GALNT13: variants seen among roughly 807,000 people sequenced by gnomAD.
GALNT13 encodes the protein UDP-GalNAc:polypeptide N-acetylgalactosaminyltransferase 13.
In GALNT13, 28 loss-of-function variants were observed where a neutral mutation model predicts 64.2. The observed-to-expected ratio is 0.44, with a 90% confidence interval of 0.32 to 0.60. The LOEUF is 0.60. GALNT13 is among the 20% of genes least tolerant of loss of function. The pLI is 0.05. For missense variants in GALNT13, 577 were observed against 669.8 expected, an observed-to-expected ratio of 0.86 and a Z score of 1.53; for synonymous variants, 214 against 224.6, an observed-to-expected ratio of 0.95 and a Z score of 0.42.
the GALNT13 span, among the ~76,000 whole-genome samples, chr2:153,668,713 G>A: frequency 2.2e-4 from 34 of 152,122 alleles, no homozygotes; most frequent in Admixed American, 2.6e-4. Context: ...GGTAAGCAGC[G>A]ACCCACACGT....
intron 1 of GALNT13, among the ~76,000 whole-genome samples, chr2:153,889,065 C>T (rs1045320489): frequency 2.6e-5 from 4 of 151,936 alleles, no homozygotes; most frequent in Non-Finnish European, 5.9e-5. Flanking sequence ...ATGCAAACTA[C>T]CTGTGTGTGT....
intron 8 of GALNT13, chr2:154,287,257 C>G: frequency 1.2e-6 from 1 of 866,186 alleles, no homozygotes; most frequent in South Asian, 1.3e-5. Flanking sequence ...TTGCCGACGG[C>G]AACTCCAAGA....
chr2:153,802,959 A>G, the GALNT13 span, among the ~76,000 whole-genome samples: 32 of 152,360 alleles, frequency 2.1e-4, no homozygotes, highest in East Asian at 5.8e-3. Flanking sequence ...TTTTTAGAGG[A>G]AATCTTGATT....
At chr2:153,403,619 A>G in the GALNT13 span, among the ~76,000 whole-genome samples, 4 of 152,204 alleles carry the variant, frequency 2.6e-5, no homozygotes, top group African/African-American at 9.6e-5. Context: ...GGTGCAGGAT[A>G]TAATCTTGTG....
the GALNT13 span, among the ~76,000 whole-genome samples, chr2:153,408,657 TG>T: frequency 2.7e-5 from 4 of 150,150 alleles, no homozygotes; most frequent in Non-Finnish European, 6.0e-5. Context: ...TTTTTGTTTT[TG>T]TTTTTGTTTT....
At chr2:153,574,681 G>C in the GALNT13 span, among the ~76,000 whole-genome samples, 324 of 150,902 alleles carry the variant, frequency 2.1e-3, 2 homozygotes, top group African/African-American at 7.3e-3. Context: ...TTTCACTCCA[G>C]AATTTCTGCT....
the GALNT13 span, among the ~76,000 whole-genome samples, chr2:153,191,006 T>G: frequency 5.3e-5 from 8 of 152,104 alleles, no homozygotes; most frequent in Non-Finnish European, 1.0e-4. Flanking sequence ...TATAAGATTA[T>G]GTCATCCACA....
At chr2:153,548,186 C>A in the GALNT13 span, among the ~76,000 whole-genome samples, 1 of 152,122 alleles carries the variant, frequency 6.6e-6, no homozygotes, top group Non-Finnish European at 1.5e-5. Context: ...TGTTAAAATG[C>A]AAGTTCTTAT....
chr2:154,116,149 G>A (rs941141179), intron 3 of GALNT13, among the ~76,000 whole-genome samples: 7 of 152,266 alleles, frequency 4.6e-5, no homozygotes, highest in Admixed American at 3.3e-4. Context: ...AGCATGGGTC[G>A]GGGAGGGGAT....
intron 3 of GALNT13, among the ~76,000 whole-genome samples, chr2:154,051,466 A>AT (rs1303362071): frequency 5.4e-5 from 8 of 148,426 alleles, no homozygotes; most frequent in Non-Finnish European, 1.0e-4. Context: ...AATTTTTTGT[A>AT]TTTTTAGTAG....
intron 4 of GALNT13, among the ~76,000 whole-genome samples, chr2:154,209,136 A>C (rs1278795694): frequency 6.6e-6 from 1 of 152,160 alleles, no homozygotes; most frequent in Non-Finnish European, 1.5e-5. Flanking sequence ...GTGTTTGTTA[A>C]AGTTCAGGGA....
chr2:154,364,329 A>G (rs867088173), intron 9 of GALNT13, among the ~76,000 whole-genome samples: 2 of 152,320 alleles, frequency 1.3e-5, no homozygotes, highest in South Asian at 4.1e-4. Flanking sequence ...CTAACTGTAT[A>G]AAGCATTAAC....
At chr2:153,904,022 A>G (rs1345809049) in intron 2 of GALNT13, among the ~76,000 whole-genome samples, 1 of 152,028 alleles carries the variant, frequency 6.6e-6, no homozygotes, top group Admixed American at 6.6e-5. Flanking sequence ...GTATCCTTAT[A>G]TGCAAAATAT....
the GALNT13 span, among the ~76,000 whole-genome samples, chr2:153,239,784 CT>C: frequency 6.6e-6 from 1 of 150,802 alleles, no homozygotes. Flanking sequence ...CTACAGCTTT[CT>C]TTTTTTTTGA....
the GALNT13 span, among the ~76,000 whole-genome samples, chr2:153,345,006 A>G: frequency 6.6e-6 from 1 of 152,258 alleles, no homozygotes; most frequent in Non-Finnish European, 1.5e-5. Flanking sequence ...TAACAAAAGT[A>G]AAATCAATAC....
chr2:153,567,831 T>C, the GALNT13 span, among the ~76,000 whole-genome samples: 1 of 152,374 alleles, frequency 6.6e-6, no homozygotes, highest in Admixed American at 6.5e-5. Context: ...AATCAGGTAC[T>C]AATGTTATCA....
the GALNT13 span, among the ~76,000 whole-genome samples, chr2:153,670,190 G>T: frequency 1.3e-5 from 2 of 152,156 alleles, no homozygotes; most frequent in Non-Finnish European, 2.9e-5. Flanking sequence ...AGAGAGCAGT[G>T]GTTCTCCCAG....
At chr2:154,196,556 T>G (rs967820030) in intron 4 of GALNT13, among the ~76,000 whole-genome samples, 1 of 152,184 alleles carries the variant, frequency 6.6e-6, no homozygotes, top group Non-Finnish European at 1.5e-5. Flanking sequence ...AAAAGCAAGC[T>G]GTAACAAAAT....
the GALNT13 span, among the ~76,000 whole-genome samples, chr2:153,737,066 T>C: frequency 6.6e-6 from 1 of 152,204 alleles, no homozygotes; most frequent in Non-Finnish European, 1.5e-5. Context: ...CATATCCACT[T>C]CATCCTGTTT....
Sources: gnomAD v4.1 joint callset for allele counts (sites outside exome capture counted in the v4.1 genomes callset) on GRCh38, gnomAD v4.1.1 for gene constraint, MANE v1.5 for transcripts, NCBI Gene and HGNC (gene_info 2026-07-23, HGNC 2026-07-21) for gene names.